Variants in NSL1 observed in about 807,000 individuals in gnomAD.
The protein encoded by NSL1 is kinetochore-associated protein NSL1 homolog.
NSL1 carries 11 observed loss-of-function variants against 25.4 expected under a neutral mutation model. The observed-to-expected ratio is 0.43, with a 90% CI of 0.27 to 0.72. NSL1 has a LOEUF of 0.72. Ranked by LOEUF, NSL1 falls within the 30% of genes least tolerant of loss-of-function variation. The pLI is 0.19. For missense variants in NSL1, 330 were observed against 342.7 expected (o/e 0.96, Z 0.29); for synonymous variants, 118 against 120.6 (o/e 0.98, Z 0.14).
intron 2 of NSL1, among the ~76,000 whole-genome samples, chr1:212,786,133 TAG>T (rs869066221): frequency 1.3e-5 from 1 of 78,972 alleles, no homozygotes. Flanking sequence ...GATAGATAGA[TAG>T]AGAGAGAGAC....
rs1487589564 is a variant in NSL1 at position 212,727,897 on chromosome 1, GA to G, written c.*10510del. 24 of 984,616 alleles carry G rather than the reference GA, an allele frequency of 2.4e-5. No homozygotes were observed. Among genetic ancestry groups the G allele is most frequent in the African/African-American group, 5.3e-5 (3 of 57,132 alleles). 61.0% of individuals were successfully genotyped at this position (984,616 alleles called of 1,614,324 possible). ...ATACTCTCTGTTGCTATGTGTCATT[GA>G]AAAAAAATGAGAAGAACCAACGAGG... On this transcript the variant is annotated 3_prime_UTR_variant, in exon 6 of 6. Transcript: ENST00000366977.
intron 4 of NSL1, among the ~76,000 whole-genome samples, chr1:212,758,441 T>C (rs1262750711): frequency 6.6e-6 from 1 of 152,214 alleles, no homozygotes; most frequent in Non-Finnish European, 1.5e-5. Flanking sequence ...TTAGAACTAA[T>C]AAATGAGTTT....
At chr1:212,769,818 T>C (rs1305797671) in intron 4 of NSL1, among the ~76,000 whole-genome samples, 2 of 152,050 alleles carry the variant, frequency 1.3e-5, no homozygotes, top group Non-Finnish European at 2.9e-5. Flanking sequence ...AGAACTCAAC[T>C]AATAAAATGA....
intron 5 of NSL1, among the ~76,000 whole-genome samples, chr1:212,739,253 G>A (rs1197876003): frequency 6.6e-6 from 1 of 152,072 alleles, no homozygotes; most frequent in Admixed American, 6.5e-5. Flanking sequence ...ATTTTAGCTG[G>A]TATTATTATC....
Position 212,756,245 on chromosome 1 carries a change from G to A in NSL1, c.500-16644C>T, listed in dbSNP as rs376432611. Among the ~76,000 whole-genome samples, 6 of 151,916 alleles carry A rather than the reference G, an allele frequency of 3.9e-5. No individual in the cohort carries two copies. The East Asian group carries it at 7.7e-4, about 20-fold the overall frequency. ...AATGATCCTCCCTCTGCAGCTTCCC[G>A]AGTAGCTGGAACTACAGGCATGCAC... On this transcript the variant is annotated intron_variant, in intron 4 of 5. Coordinates refer to ENST00000366977, the MANE Select transcript of NSL1 (RefSeq NM_015471.4).
intron 4 of NSL1, among the ~76,000 whole-genome samples, chr1:212,750,476 C>G (rs1659018171): frequency 6.6e-6 from 1 of 152,054 alleles, no homozygotes; most frequent in African/African-American, 2.4e-5. Context: ...AATTTTGCAC[C>G]AGGCCTAGAC....
chr1:212,770,473 AAAAC>A (rs375676381), intron 4 of NSL1, among the ~76,000 whole-genome samples: 214 of 151,864 alleles, frequency 1.4e-3, no homozygotes, highest in Middle Eastern at 6.9e-3. Flanking sequence ...AACCAGGAAA[AAAAC>A]AAACAAACAA....
chr1:212,771,057 T>C (rs1170774762), intron 4 of NSL1, among the ~76,000 whole-genome samples: 1 of 152,198 alleles, frequency 6.6e-6, no homozygotes, highest in Non-Finnish European at 1.5e-5. Context: ...CTCACGCCTA[T>C]AATCCCAGCA....
chr1:212,768,338 A>C (rs947647006), intron 4 of NSL1, among the ~76,000 whole-genome samples: 4 of 151,366 alleles, frequency 2.6e-5, no homozygotes, highest in Admixed American at 6.6e-5. Context: ...AAAAAAAAAA[A>C]AAAAAACTAA....
chr1:212,783,046 C>T (rs1660795219), intron 3 of NSL1, among the ~76,000 whole-genome samples: 1 of 152,152 alleles, frequency 6.6e-6, no homozygotes, highest in African/African-American at 2.4e-5. Context: ...GTGACTCACA[C>T]TTGTAATTGC....
chr1:212,727,728 A>T lies in NSL1; in HGVS notation c.*10680T>A. On this transcript the variant is annotated 3_prime_UTR_variant, in exon 6 of 6. Coordinates refer to ENST00000366977, the MANE Select transcript of NSL1 (RefSeq NM_015471.4). ...CTAGCTATGATGATTTATATTTCCC[A>T]AGAAATTAACAGCAAAAGTTCATAT... 1.0e-6 allele frequency: 1 copy of T among 984,942 alleles called. No homozygotes were observed. The highest frequency in any genetic ancestry group is 4.7e-5 in the South Asian group (1 of 21,282). 61.0% of individuals were successfully genotyped at this position (984,942 alleles called of 1,614,324 possible).
chr1:212,768,569 C>T (rs1659947396), intron 4 of NSL1, among the ~76,000 whole-genome samples: 1 of 152,140 alleles, frequency 6.6e-6, no homozygotes, highest in African/African-American at 2.4e-5. Flanking sequence ...ATAGCATTCG[C>T]AGCAACCTGG....
chr1:212,778,688 C>T (rs1453498536), intron 4 of NSL1, among the ~76,000 whole-genome samples: 7 of 152,026 alleles, frequency 4.6e-5, no homozygotes, highest in Admixed American at 1.3e-4. Context: ...GACGGAGTCT[C>T]GTTCACTCAG....
intron 4 of NSL1, among the ~76,000 whole-genome samples, chr1:212,773,668 C>A (rs1660224939): frequency 1.3e-5 from 2 of 152,102 alleles, no homozygotes; most frequent in Non-Finnish European, 2.9e-5. Context: ...ACCATATGCT[C>A]CACCATTCCT....
At position 212,769,708 on chromosome 1, in the gene NSL1, CGA is replaced by C. The variant is rs1339577002; in HGVS notation, c.499+12662_499+12663del. On this transcript the variant is annotated intron_variant, in intron 4 of 5. Transcript: ENST00000366977. The stretch of plus-strand genomic sequence containing the variant: ...CTCACTGGTAGAACAGACATACAAA[CGA>C]GAGAGAGAGAAAAAACTCAAATGTT... Among the ~76,000 whole-genome samples, 5 of 151,776 alleles carry C rather than the reference CGA, an allele frequency of 3.3e-5. No homozygotes were observed. The East Asian group carries it at 7.7e-4, about 23-fold the overall frequency.
In NSL1 at chr1:212,779,493, G is replaced by A. The variant is rs1266175930; in HGVS notation, c.499+2879C>T. ...GCCCCTCTGCACGGCCAGCCGCCCC[G>A]TCCGGGAGGGAGGTGGGGGGGTCAG... On this transcript the variant is annotated intron_variant, in intron 4 of 5. Transcript: ENST00000366977. Among the ~76,000 whole-genome samples, 14 of 114,474 alleles carry A rather than the reference G, an allele frequency of 1.2e-4. No individual in the cohort carries two copies. The South Asian group carries it at 1.2e-3, about 10-fold the overall frequency. The allele number at this position is 114,474 out of a possible 152,430, so 75.1% of individuals were successfully genotyped here. A position where few individuals can be genotyped will look rare whatever the true frequency, so the allele number is the denominator to read the frequency against.
Position 212,727,386 on chromosome 1 carries a change from G to A in NSL1, c.*11022C>T, listed in dbSNP as rs1657832769. On this transcript the variant is annotated 3_prime_UTR_variant, in exon 6 of 6. Coordinates refer to ENST00000366977, the MANE Select transcript of NSL1 (RefSeq NM_015471.4). ...GAAGGTCACTTAACCAGGGAAATAAGTATCAGTCAAGTTAATGTTTCCAAA... is the reference window on the plus strand; with the variant it reads ...GAAGGTCACTTAACCAGGGAAATAAATATCAGTCAAGTTAATGTTTCCAAA... 9.1e-6 allele frequency: 9 copies of A among 985,308 alleles called. No homozygotes were observed. Among genetic ancestry groups the A allele is most frequent in the African/African-American group, 1.7e-5 (1 of 57,334 alleles). The allele number at this position is 985,308 out of a possible 1,614,324, so 61.0% of individuals were successfully genotyped here.
In NSL1 at chr1:212,734,637, C is replaced by G. The variant is rs780023001; in HGVS notation, c.*3771G>C. Reference sequence around the variant, plus strand: ...ACAGGATGTATTCTCTTGTGCCTGGCTTTGCTTCTTTTATTCAATATAGTA... The same window carrying G: ...ACAGGATGTATTCTCTTGTGCCTGGGTTTGCTTCTTTTATTCAATATAGTA... On this transcript the variant is annotated 3_prime_UTR_variant, in exon 6 of 6. Transcript: ENST00000366977. 4.6e-5 allele frequency among the ~76,000 whole-genome samples: 7 copies of G among 152,316 alleles called. No individual in the cohort carries two copies. Among genetic ancestry groups the G allele is most frequent in the Non-Finnish European group, 8.8e-5 (6 of 68,034 alleles).
chr1:212,750,399 C>G (rs945547935), intron 4 of NSL1, among the ~76,000 whole-genome samples: 3 of 151,550 alleles, frequency 2.0e-5, no homozygotes. Context: ...CCAGGAAACA[C>G]GATTTAAAAC....
Sources: allele counts gnomAD v4.1 joint callset (sites outside exome capture counted in the v4.1 genomes callset), GRCh38; gene constraint gnomAD v4.1.1; transcripts MANE v1.5; gene names NCBI Gene and HGNC (gene_info 2026-07-23, HGNC 2026-07-21).